PCDHAC1: variants seen among roughly 807,000 people sequenced by gnomAD.
The protein encoded by PCDHAC1 is protocadherin alpha-C1.
Under a neutral mutation model 60.0 loss-of-function variants are expected in PCDHAC1, and 42 were observed. The ratio of observed to expected loss-of-function variants is 0.70; its 90% CI spans 0.55 to 0.90. The LOEUF (loss-of-function observed/expected upper bound fraction) is 0.90, where lower values mean the gene tolerates loss of function less well. Among genes scored for constraint, PCDHAC1 ranks in the 40% least tolerant of loss-of-function variants. PCDHAC1 has a pLI of 0.00. For synonymous variants in PCDHAC1, 468 were observed against 499.3 expected (o/e 0.94, Z 0.84); for missense variants, 1,160 against 1,222.3 (o/e 0.95, Z 0.76).
At chr5:140,935,721 A>G (rs2090523952) in intron 1 of PCDHAC1, among the ~76,000 whole-genome samples, 1 of 152,196 alleles carries the variant, frequency 6.6e-6, no homozygotes, top group African/African-American at 2.4e-5. Context: ...ATATATTTAG[A>G]GAAGTCTAGT....
At chr5:140,975,675 T>C (rs1047804393) in intron 1 of PCDHAC1, among the ~76,000 whole-genome samples, 3 of 152,240 alleles carry the variant, frequency 2.0e-5, no homozygotes, top group Non-Finnish European at 2.9e-5. Context: ...AGTTTATTAA[T>C]AAAATAGGGT....
intron 3 of PCDHAC1, among the ~76,000 whole-genome samples, chr5:141,008,432 C>T (rs2098376587): frequency 6.6e-6 from 1 of 152,082 alleles, no homozygotes. Context: ...ATCACTTTGC[C>T]CAGACAGACC....
intron 1 of PCDHAC1, 99 bp from the exon 2 acceptor site, chr5:140,978,850 G>T: frequency 6.3e-7 from 1 of 1,577,084 alleles, no homozygotes; most frequent in Non-Finnish European, 8.6e-7. Flanking sequence ...TTTTTTAGAT[G>T]CCTGGAAATA....
chr5:140,967,725 T>C lies in PCDHAC1; in HGVS notation c.2434-11224T>C, dbSNP rs782758957. 16 of 1,613,798 alleles carry C rather than the reference T, an allele frequency of 9.9e-6. No individual in the cohort carries two copies. The East Asian group carries it at 2.0e-4, about 20-fold the overall frequency. On this transcript the variant is annotated intron_variant, in intron 1 of 3. Transcript: ENST00000253807. ...GCCAGTACCGGGGAAGTGCGAGTAA[T>C]TGGGGGGCTGGATTATGAGGAAGCC...
chr5:140,980,490 C>T (rs185528514), intron 2 of PCDHAC1, among the ~76,000 whole-genome samples: 39 of 152,096 alleles, frequency 2.6e-4, no homozygotes, highest in Admixed American at 4.6e-4. Context: ...ATTAGCTGGG[C>T]GTGATGGCAT....
At chr5:140,932,491 T>C (rs1041440008) in intron 1 of PCDHAC1, among the ~76,000 whole-genome samples, 11 of 151,918 alleles carry the variant, frequency 7.2e-5, no homozygotes, top group Non-Finnish European at 1.6e-4. Flanking sequence ...CTCTTTGCAA[T>C]GTCATTTGTT....
intron 1 of PCDHAC1, chr5:140,967,284 A>C: frequency 6.2e-7 from 1 of 1,613,190 alleles, no homozygotes. Context: ...GAGAGTGCGC[A>C]GGACCCCGAC....
chr5:140,958,724 A>G (rs1563299236), intron 1 of PCDHAC1, among the ~76,000 whole-genome samples: 1 of 152,188 alleles, frequency 6.6e-6, no homozygotes, highest in Admixed American at 6.5e-5. Context: ...TAAATGTAAC[A>G]CTGAATGGGA....
chr5:140,950,671 A>G (rs1222424193), intron 1 of PCDHAC1, among the ~76,000 whole-genome samples: 2 of 152,074 alleles, frequency 1.3e-5, no homozygotes, highest in Non-Finnish European at 2.9e-5. Context: ...TCAAACATGT[A>G]CATGTATATT....
intron 1 of PCDHAC1, among the ~76,000 whole-genome samples, chr5:140,940,999 A>C (rs2092715324): frequency 1.3e-5 from 2 of 152,264 alleles, no homozygotes; most frequent in Admixed American, 1.3e-4. Context: ...TATAGGATTA[A>C]ATTTTCCTTT....
At chr5:140,993,273 T>C (rs1212746492) in intron 3 of PCDHAC1, among the ~76,000 whole-genome samples, 1 of 152,176 alleles carries the variant, frequency 6.6e-6, no homozygotes, top group Non-Finnish European at 1.5e-5. Flanking sequence ...TTCTTTGGTC[T>C]TTTCTTGCCC....
intron 3 of PCDHAC1, among the ~76,000 whole-genome samples, chr5:140,997,106 C>T (rs2153943751): frequency 6.6e-6 from 1 of 152,162 alleles, no homozygotes; most frequent in South Asian, 2.1e-4. Context: ...CTCATGCACT[C>T]CTGCTCTCCC....
chr5:140,991,885 A>G (rs1554252463), intron 3 of PCDHAC1, among the ~76,000 whole-genome samples: 1 of 152,198 alleles, frequency 6.6e-6, no homozygotes, highest in Non-Finnish European at 1.5e-5. Context: ...GGCTGCCATA[A>G]CAAATTAACA....
chr5:140,972,837 T>C (rs1328315293), intron 1 of PCDHAC1, among the ~76,000 whole-genome samples: 1 of 152,004 alleles, frequency 6.6e-6, no homozygotes, highest in Non-Finnish European at 1.5e-5. Context: ...CTAATTTTTG[T>C]ATTTTTAGTA....
At chr5:140,984,634 C>G (rs540344154) in intron 3 of PCDHAC1, among the ~76,000 whole-genome samples, 4 of 152,298 alleles carry the variant, frequency 2.6e-5, no homozygotes, top group African/African-American at 9.6e-5. Context: ...AAGGGATTCT[C>G]TGCCTTCTCC....
In PCDHAC1 at chr5:140,927,687, T is replaced by C. The variant is rs1563095426; in HGVS notation, c.795T>C (p.Asn265=). The C allele has an allele frequency of 1.2e-6, 2 of 1,614,158 alleles. No homozygotes were observed. Among genetic ancestry groups the C allele is most frequent in the Non-Finnish European group, 1.7e-6 (2 of 1,180,014 alleles). Residue 265 remains asparagine (N), a synonymous_variant, in exon 1 of 4, where the codon AAT becomes AAC. Coordinates refer to ENST00000253807, the MANE Select transcript of PCDHAC1 (RefSeq NM_018898.5). ...CCTTGGATCCAGATGAAGGGTCCAA[T>C]GGGGAAGTCCAGTACTCCCTAAGCA... ...VQALDPDEGS[N]GEVQYSLSNS... is the part of the protein sequence containing the mutation.
At chr5:140,975,160 T>G (rs2096656216) in intron 1 of PCDHAC1, among the ~76,000 whole-genome samples, 1 of 152,194 alleles carries the variant, frequency 6.6e-6, no homozygotes, top group African/African-American at 2.4e-5. Flanking sequence ...CCTAGAGAAC[T>G]GAGGACTCAG....
At chr5:141,001,705 G>A (rs2098033380) in intron 3 of PCDHAC1, among the ~76,000 whole-genome samples, 1 of 152,194 alleles carries the variant, frequency 6.6e-6, no homozygotes, top group African/African-American at 2.4e-5. Context: ...GAAATAGGGG[G>A]CGGGGAAGGA....
chr5:141,000,395 C>CTCTATAAATA (rs1213762225), intron 3 of PCDHAC1, among the ~76,000 whole-genome samples: 2 of 53,986 alleles, frequency 3.7e-5, no homozygotes, highest in African/African-American at 1.5e-4. Flanking sequence ...CTCTCTCTCT[C>CTCTATAAATA]TATATATATA....
Sources: allele counts gnomAD v4.1 joint callset (sites outside exome capture counted in the v4.1 genomes callset), GRCh38; gene constraint gnomAD v4.1.1; transcripts MANE v1.5; gene names NCBI Gene and HGNC (gene_info 2026-07-23, HGNC 2026-07-21).